SPIDR: variants seen among roughly 807,000 people sequenced by gnomAD.
The protein encoded by SPIDR is scaffold protein involved in DNA repair.
Under a neutral mutation model 104.6 loss-of-function variants are expected in SPIDR, and 93 were observed. The ratio of observed to expected loss-of-function variants is 0.89; its 90% CI spans 0.75 to 1.06. The LOEUF (loss-of-function observed/expected upper bound fraction) is 1.06. SPIDR is among the 50% of genes least tolerant of loss of function. SPIDR has a pLI of 0.00. For synonymous variants in SPIDR, 431 were observed against 416.9 expected, an observed-to-expected ratio of 1.03 and a Z score of -0.41; for missense variants, 1,154 against 1,111.2, an observed-to-expected ratio of 1.04 and a Z score of -0.55.
intron 5 of SPIDR, among the ~76,000 whole-genome samples, chr8:47,334,086 T>C (rs1380005558): frequency 1.3e-5 from 2 of 152,254 alleles, no homozygotes; most frequent in Non-Finnish European, 2.9e-5. Flanking sequence ...TATTTTGGGA[T>C]GTTCCATGTA....
At chr8:47,362,201 A>C (rs1010278109) in intron 5 of SPIDR, among the ~76,000 whole-genome samples, 3 of 152,218 alleles carry the variant, frequency 2.0e-5, no homozygotes, top group African/African-American at 7.2e-5. Context: ...GACGTGGCCT[A>C]TGGTGCCACA....
At chr8:47,655,915 C>T (rs562490565) in intron 10 of SPIDR, among the ~76,000 whole-genome samples, 85 of 152,266 alleles carry the variant, frequency 5.6e-4, no homozygotes, top group African/African-American at 2.0e-3. Flanking sequence ...TAATGCCTTA[C>T]ATTTTTGGTC....
rs115986487 is a variant in SPIDR at position 47,443,858 on chromosome 8, A to G, written c.1097+3316A>G. On this transcript the variant is annotated intron_variant, in intron 8 of 19. Transcript: ENST00000297423. ...TTAGGTACAATGGCTGCTTACCCCG[A>G]GGAGCTCAGAGCCCTCTGTAGATAT... 4.7e-3 allele frequency among the ~76,000 whole-genome samples: 719 copies of G among 152,098 alleles called. 5 individuals carry two copies. Among genetic ancestry groups the G allele is most frequent in the African/African-American group, 0.016 (683 of 41,500 alleles).
intron 7 of SPIDR, among the ~76,000 whole-genome samples, chr8:47,408,342 T>C (rs912452257): frequency 2.0e-5 from 3 of 152,142 alleles, no homozygotes; most frequent in Non-Finnish European, 4.4e-5. Context: ...TCATGTAGCC[T>C]CAAACTCTTG....
At chr8:47,316,922 T>C (rs1378551268) in intron 5 of SPIDR, among the ~76,000 whole-genome samples, 1 of 152,174 alleles carries the variant, frequency 6.6e-6, no homozygotes, top group African/African-American at 2.4e-5. Flanking sequence ...TGGGATGATG[T>C]GTACTGTCAT....
intron 8 of SPIDR, among the ~76,000 whole-genome samples, chr8:47,587,405 G>A (rs2060362650): frequency 6.6e-6 from 1 of 151,746 alleles, no homozygotes; most frequent in Non-Finnish European, 1.5e-5. Flanking sequence ...GGACTTCAAG[G>A]CCAGTCTGGC....
At chr8:47,410,662 T>TATC (rs2063385598) in intron 7 of SPIDR, among the ~76,000 whole-genome samples, 1 of 151,918 alleles carries the variant, frequency 6.6e-6, no homozygotes, top group African/African-American at 2.4e-5. Flanking sequence ...AAGTCTTTTT[T>TATC]ATTATTATTA....
At chr8:47,624,779 T>C (rs2065771047) in intron 10 of SPIDR, among the ~76,000 whole-genome samples, 1 of 152,106 alleles carries the variant, frequency 6.6e-6, no homozygotes, top group Admixed American at 6.6e-5. Context: ...CAGGACCATA[T>C]GGATTCAAAG....
chr8:47,282,148 T>C (rs2154224566), intron 2 of SPIDR, among the ~76,000 whole-genome samples: 1 of 152,362 alleles, frequency 6.6e-6, no homozygotes, highest in African/African-American at 2.4e-5. Context: ...AGATGTGCTG[T>C]CATCCAGGCT....
At chr8:47,693,706 C>A (rs962307918) in intron 11 of SPIDR, among the ~76,000 whole-genome samples, 12 of 151,308 alleles carry the variant, frequency 7.9e-5, no homozygotes, top group Non-Finnish European at 4.4e-5. Context: ...TCGGTGGTGA[C>A]CAGCCCCGGA....
At chr8:47,385,655 T>G (rs1438784512) in intron 5 of SPIDR, among the ~76,000 whole-genome samples, 1 of 152,270 alleles carries the variant, frequency 6.6e-6, no homozygotes, top group East Asian at 1.9e-4. Context: ...ATTGGTAGTT[T>G]GTATCACGTT....
At chr8:47,401,023 A>G (rs1430547551) in intron 6 of SPIDR, among the ~76,000 whole-genome samples, 1 of 152,096 alleles carries the variant, frequency 6.6e-6, no homozygotes, top group Non-Finnish European at 1.5e-5. Flanking sequence ...CAACTCCAAG[A>G]CACATAATTG....
chr8:47,695,112 C>G (rs1480432530), intron 11 of SPIDR, among the ~76,000 whole-genome samples: 1 of 151,920 alleles, frequency 6.6e-6, no homozygotes, highest in Non-Finnish European at 1.5e-5. Flanking sequence ...TAGAAAACAC[C>G]ACTGTACACT....
At chr8:47,708,150 T>G (rs1467715173) in intron 14 of SPIDR, among the ~76,000 whole-genome samples, 1 of 152,128 alleles carries the variant, frequency 6.6e-6, no homozygotes, top group Non-Finnish European at 1.5e-5. Context: ...AATACAAAAA[T>G]TAGCCGGGCA....
chr8:47,713,384 C>T, intron 15 of SPIDR, 105 bp from the exon 16 acceptor site: 1 of 1,500,022 alleles, frequency 6.7e-7, no homozygotes, highest in Non-Finnish European at 9.1e-7. Flanking sequence ...CCCATAACTG[C>T]ACCTTCACCT....
chr8:47,719,701 G>A (rs926672435), intron 16 of SPIDR, among the ~76,000 whole-genome samples: 10 of 152,020 alleles, frequency 6.6e-5, no homozygotes, highest in African/African-American at 2.4e-4. Context: ...GAAAGCCAAG[G>A]GAGCCAGAGT....
At chr8:47,291,578 C>G (rs2039912840) in intron 4 of SPIDR, among the ~76,000 whole-genome samples, 2 of 152,208 alleles carry the variant, frequency 1.3e-5, no homozygotes, top group African/African-American at 4.8e-5. Flanking sequence ...ATGCTAAACA[C>G]TTCAGAAACA....
chr8:47,526,451 C>T (rs16927336), intron 8 of SPIDR, among the ~76,000 whole-genome samples: 3,992 of 152,292 alleles, frequency 0.026, 133 homozygotes, highest in African/African-American at 0.084. Flanking sequence ...ATCTAGTCTT[C>T]ATTGGCTAAG....
chr8:47,494,157 T>G (rs1004543527), intron 8 of SPIDR, among the ~76,000 whole-genome samples: 9 of 150,728 alleles, frequency 6.0e-5, no homozygotes, highest in Non-Finnish European at 8.9e-5. Flanking sequence ...CCTGGCTAGT[T>G]TTTAAATTTT....
Sources: allele counts gnomAD v4.1 joint callset (sites outside exome capture counted in the v4.1 genomes callset), GRCh38; gene constraint gnomAD v4.1.1; transcripts MANE v1.5; gene names NCBI Gene and HGNC (gene_info 2026-07-23, HGNC 2026-07-21).